PDSS2: variants seen among roughly 807,000 people sequenced by gnomAD.
The protein encoded by PDSS2 is all trans-polyprenyl-diphosphate synthase PDSS2.
A neutral mutation model predicts 44.5 loss-of-function variants in PDSS2; 31 were observed. The observed-to-expected ratio is 0.70, with a 90% CI of 0.52 to 0.94. PDSS2 has a LOEUF of 0.94. PDSS2 is among the 40% of genes least tolerant of loss of function. The probability of loss-of-function intolerance (pLI) is 0.00; values close to 1 mark genes in which losing one functional copy is unlikely to be tolerated. For missense variants in PDSS2, 452 were observed against 482.2 expected (o/e 0.94, Z 0.59); for synonymous variants, 157 against 180.3 (o/e 0.87, Z 1.03).
At chr6:107,378,328 T>C (rs946953264) in intron 1 of PDSS2, among the ~76,000 whole-genome samples, 4 of 151,676 alleles carry the variant, frequency 2.6e-5, no homozygotes, top group African/African-American at 7.3e-5. Context: ...GCTTTATATT[T>C]ACAAATGTCA....
intron 1 of PDSS2, among the ~76,000 whole-genome samples, chr6:107,380,829 G>A (rs184514708): frequency 6.6e-6 from 1 of 152,196 alleles, no homozygotes; most frequent in Admixed American, 6.5e-5. Flanking sequence ...CCTTGTTGTA[G>A]GAATGGGAGT....
chr6:107,373,460 AAAC>A (rs1779187711), intron 1 of PDSS2, among the ~76,000 whole-genome samples: 2 of 152,200 alleles, frequency 1.3e-5, no homozygotes, highest in African/African-American at 2.4e-5. Flanking sequence ...TATAAACAGG[AAAC>A]AACGTGTTAA....
At chr6:107,328,368 C>T (rs1055687974) in intron 2 of PDSS2, among the ~76,000 whole-genome samples, 1 of 152,208 alleles carries the variant, frequency 6.6e-6, no homozygotes, top group Admixed American at 6.5e-5. Context: ...TACTTGACTA[C>T]TTAATGTGGG....
At chr6:107,275,280 T>G (rs1775740522) in intron 2 of PDSS2, among the ~76,000 whole-genome samples, 1 of 152,166 alleles carries the variant, frequency 6.6e-6, no homozygotes, top group Admixed American at 6.5e-5. Context: ...ATTTAAACAT[T>G]ATCACAACTT....
chr6:107,365,240 TAG>T (rs1778927948), intron 1 of PDSS2, among the ~76,000 whole-genome samples: 1 of 150,970 alleles, frequency 6.6e-6, no homozygotes, highest in African/African-American at 2.5e-5. Flanking sequence ...AAATGAAAAA[TAG>T]AGATATATTG....
chr6:107,243,565 C>T (rs1348701950), intron 4 of PDSS2, among the ~76,000 whole-genome samples: 1 of 152,206 alleles, frequency 6.6e-6, no homozygotes, highest in East Asian at 1.9e-4. Flanking sequence ...AAGTTGAACA[C>T]TCTGGAAATA....
At chr6:107,299,146 C>CAAAAAAAAAAAA (rs71991148) in intron 2 of PDSS2, among the ~76,000 whole-genome samples, 1 of 53,492 alleles carries the variant, frequency 1.9e-5, no homozygotes, top group Non-Finnish European at 3.1e-5. Flanking sequence ...GACCCTGTCT[C>CAAAAAAAAAAAA]AAAAAAAAAA....
At chr6:107,349,164 G>A (rs1778351247) in intron 1 of PDSS2, among the ~76,000 whole-genome samples, 2 of 152,218 alleles carry the variant, frequency 1.3e-5, no homozygotes, top group South Asian at 4.1e-4. Context: ...CGGGTGCAGT[G>A]GCTCACGCCT....
chr6:107,412,623 G>A (rs547010710), intron 1 of PDSS2, among the ~76,000 whole-genome samples: 5 of 152,194 alleles, frequency 3.3e-5, no homozygotes, highest in African/African-American at 7.2e-5. Flanking sequence ...CAACATAAGC[G>A]TCAATTGTTT....
At chr6:107,364,374 C>G (rs1017165936) in intron 1 of PDSS2, among the ~76,000 whole-genome samples, 1 of 151,470 alleles carries the variant, frequency 6.6e-6, no homozygotes, top group African/African-American at 2.5e-5. Context: ...GGCTGCAGGT[C>G]CCCAGCCCTG....
intron 7 of PDSS2, among the ~76,000 whole-genome samples, chr6:107,164,892 T>C (rs1771284838): frequency 6.6e-6 from 1 of 152,232 alleles, no homozygotes; most frequent in South Asian, 2.1e-4. Context: ...CATTGTGGTT[T>C]TGATTTGCAT....
intron 3 of PDSS2, chr6:107,264,533 C>G (rs748594141): frequency 7.2e-7 from 1 of 1,388,542 alleles, no homozygotes; most frequent in Non-Finnish European, 1.0e-6. Context: ...AAAAAAATAA[C>G]GTGATAAATT....
At chr6:107,417,775 TAATACAC>T (rs1780707347) in intron 1 of PDSS2, among the ~76,000 whole-genome samples, 1 of 64,912 alleles carries the variant, frequency 1.5e-5, no homozygotes, top group East Asian at 3.0e-4. Context: ...AAATTAATAA[TAATACAC>T]ACACACACAC....
intron 1 of PDSS2, among the ~76,000 whole-genome samples, chr6:107,367,872 T>C (rs1410425353): frequency 6.7e-6 from 1 of 150,264 alleles, no homozygotes; most frequent in Non-Finnish European, 1.5e-5. Context: ...TATTTGAGGG[T>C]GATCATCTAT....
chr6:107,244,483 T>C (rs1269765786), intron 4 of PDSS2, among the ~76,000 whole-genome samples: 1 of 152,176 alleles, frequency 6.6e-6, no homozygotes, highest in Non-Finnish European at 1.5e-5. Flanking sequence ...CTTTGAAAGG[T>C]CCACTGTGGT....
chr6:107,298,222 CACACAA>C (rs1336696604), intron 2 of PDSS2, among the ~76,000 whole-genome samples: 1 of 152,128 alleles, frequency 6.6e-6, no homozygotes, highest in African/African-American at 2.4e-5. Flanking sequence ...TGAAAAGAAA[CACACAA>C]ACACATATAG....
intron 1 of PDSS2, among the ~76,000 whole-genome samples, chr6:107,441,609 G>A (rs1010323688): frequency 4.6e-5 from 7 of 152,270 alleles, no homozygotes; most frequent in South Asian, 2.1e-4. Flanking sequence ...CTTTTTTGTG[G>A]AGGTGGTCAG....
intron 7 of PDSS2, among the ~76,000 whole-genome samples, chr6:107,190,959 T>C (rs796994847): frequency 4.6e-5 from 7 of 152,210 alleles, no homozygotes; most frequent in African/African-American, 1.7e-4. Context: ...TGGCGTGATC[T>C]CGGCTCACTG....
intron 1 of PDSS2, among the ~76,000 whole-genome samples, chr6:107,413,744 C>T (rs1273197703): frequency 1.3e-5 from 2 of 152,104 alleles, no homozygotes; most frequent in East Asian, 1.9e-4. Context: ...GGATTACAGG[C>T]GTGATACAGG....
Sources: allele counts gnomAD v4.1 joint callset (sites outside exome capture counted in the v4.1 genomes callset), GRCh38; gene constraint gnomAD v4.1.1; transcripts MANE v1.5; gene names NCBI Gene and HGNC (gene_info 2026-07-23, HGNC 2026-07-21).